Variants in CD6 observed in about 807,000 individuals in gnomAD.
CD6 encodes CD6 molecule.
A neutral mutation model predicts 75.3 loss-of-function variants in CD6; 53 were observed. The ratio of observed to expected loss-of-function variants is 0.70; its 90% CI spans 0.56 to 0.88. The LOEUF is 0.88. CD6 is among the 40% of genes least tolerant of loss of function. The probability of loss-of-function intolerance (pLI) is 0.00; values close to 1 mark genes in which losing one functional copy is unlikely to be tolerated. For missense variants in CD6, 770 were observed against 897.1 expected, an observed-to-expected ratio of 0.86 and a Z score of 1.81; for synonymous variants, 359 against 381.5, an observed-to-expected ratio of 0.94 and a Z score of 0.69.
intron 1 of CD6, among the ~76,000 whole-genome samples, chr11:60,991,472 C>T (rs1399166818): frequency 6.6e-6 from 1 of 151,988 alleles, no homozygotes. Context: ...TTTTTCTCTG[C>T]ACAATATCCA....
At chr11:61,012,280 G>A (rs2135187666) in intron 6 of CD6, among the ~76,000 whole-genome samples, 1 of 152,338 alleles carries the variant, frequency 6.6e-6, no homozygotes, top group African/African-American at 2.4e-5. Context: ...CATCCTGGAA[G>A]GGCAAAGAGT....
intron 8 of CD6, among the ~76,000 whole-genome samples, chr11:61,015,269 T>G (rs968496063): frequency 6.6e-6 from 1 of 152,174 alleles, no homozygotes; most frequent in Non-Finnish European, 1.5e-5. Flanking sequence ...CTGGGTGGCT[T>G]GTACAAGATG....
chr11:61,002,819 G>C (rs1430353440), intron 1 of CD6, among the ~76,000 whole-genome samples: 1 of 152,186 alleles, frequency 6.6e-6, no homozygotes, highest in Non-Finnish European at 1.5e-5. Flanking sequence ...CATGGCCAGA[G>C]AGTGCACGAG....
chr11:61,014,088 C>T (rs1859290921), intron 8 of CD6, 74 bp downstream of exon 8: 1 of 1,064,010 alleles, frequency 9.4e-7, no homozygotes, highest in Non-Finnish European at 1.4e-6. Flanking sequence ...AAGGTCAGCA[C>T]CACTTAGGTC....
Position 61,015,916 on chromosome 11 carries a change from C to T in CD6, c.1510+81C>T, listed in dbSNP as rs1859382910. 25 of 1,523,166 alleles carry T rather than the reference C, an allele frequency of 1.6e-5. No individual in the cohort carries two copies. In the South Asian group the frequency reaches 2.6e-4, roughly 16 times the overall value. The allele number at this position is 1,523,166 out of a possible 1,614,324, so 94.4% of individuals were successfully genotyped here. A position where few individuals can be genotyped will look rare whatever the true frequency, so the allele number is the denominator to read the frequency against. On this transcript the variant is annotated intron_variant, in intron 9 of 12. Coordinates refer to ENST00000313421, the MANE Select transcript of CD6 (RefSeq NM_006725.5). ...CCGAGGGGACCGTCAGGTCAGTAGTCCCACCTAGTAACCCCTGCATGATGC... is the reference window on the plus strand; with the variant it reads ...CCGAGGGGACCGTCAGGTCAGTAGTTCCACCTAGTAACCCCTGCATGATGC...
At chr11:60,973,414 C>A (rs1857262473) in intron 1 of CD6, among the ~76,000 whole-genome samples, 1 of 152,212 alleles carries the variant, frequency 6.6e-6, no homozygotes, top group South Asian at 2.1e-4. Context: ...CTGCTCCTTC[C>A]CAGTACTGTC....
At chr11:61,019,023 G>A (rs1250420572) in intron 12 of CD6, 13 of 442,924 alleles carry the variant, frequency 2.9e-5, no homozygotes, top group African/African-American at 1.8e-4. Context: ...ATCGTCCACC[G>A]TGTCGTGCAG....
chr11:61,008,143 G>A (rs916701625), intron 3 of CD6, among the ~76,000 whole-genome samples: 1 of 152,074 alleles, frequency 6.6e-6, no homozygotes, highest in Non-Finnish European at 1.5e-5. Context: ...TTGGTTCCTA[G>A]TCCCACCCCT....
chr11:60,978,419 C>A (rs1180413493), intron 1 of CD6, among the ~76,000 whole-genome samples: 2 of 152,108 alleles, frequency 1.3e-5, no homozygotes, highest in Non-Finnish European at 2.9e-5. Context: ...GAATCTAGGC[C>A]CCTGCAGCCT....
At chr11:60,978,912 G>T (rs1857463785) in intron 1 of CD6, among the ~76,000 whole-genome samples, 1 of 152,194 alleles carries the variant, frequency 6.6e-6, no homozygotes, top group African/African-American at 2.4e-5. Flanking sequence ...GCTCAGAAAT[G>T]TTAGCTTATA....
rs771398315 is a variant in CD6 at position 61,009,608 on chromosome 11, G to C, written c.818G>C (p.Arg273Pro). 6.2e-7 allele frequency: 1 copy of C among 1,612,120 alleles called. No homozygotes were observed. The highest frequency in any genetic ancestry group is 8.5e-7 in the Non-Finnish European group (1 of 1,179,294). Residue 273 changes from arginine to proline, a missense_variant, in exon 5 of 13, where the codon CGC becomes CCC. Coordinates refer to ENST00000313421, the MANE Select transcript of CD6 (RefSeq NM_006725.5). ...QSWRLTGGAD[R>P]CEGQVEVHFR... The stretch of plus-strand genomic sequence containing the variant: ...TGGCGCCTGACAGGGGGCGCTGACC[G>C]CTGCGAGGGGCAGGTGGAGGTACAC...
intron 1 of CD6, among the ~76,000 whole-genome samples, chr11:60,996,935 C>T: frequency 6.6e-6 from 1 of 152,204 alleles, no homozygotes; most frequent in Non-Finnish European, 1.5e-5. Context: ...CTCAGACTGG[C>T]AAAGTGACTG....
At chr11:60,976,382 A>G (rs1333581684) in intron 1 of CD6, among the ~76,000 whole-genome samples, 1 of 152,220 alleles carries the variant, frequency 6.6e-6, no homozygotes, top group Non-Finnish European at 1.5e-5. Flanking sequence ...AATTGAACCT[A>G]AGTCAATTAC....
At chr11:61,001,360 G>A (rs1321907408) in intron 1 of CD6, among the ~76,000 whole-genome samples, 1 of 151,852 alleles carries the variant, frequency 6.6e-6, no homozygotes, top group South Asian at 2.1e-4. Context: ...CTGCCACCAC[G>A]CCTGGCTAAC....
At chr11:61,008,087 A>C (rs1858957663) in intron 3 of CD6, among the ~76,000 whole-genome samples, 177 bp downstream of exon 3, 1 of 151,792 alleles carries the variant, frequency 6.6e-6, no homozygotes, top group Admixed American at 6.6e-5. Context: ...TCATTTCCAG[A>C]TCTGAGCGTT....
At chr11:60,972,034 C>A in intron 1 of CD6, 120 bp downstream of exon 1, 1 of 1,011,856 alleles carries the variant, frequency 9.9e-7, no homozygotes, top group Non-Finnish European at 1.5e-6. Context: ...GCCAAGACTA[C>A]ACTCAGGTAC....
At position 61,007,110 on chromosome 11, in the gene CD6, C is replaced by T. The variant is rs1051074985; in HGVS notation, c.119-450C>T. On this transcript the variant is annotated intron_variant, in intron 2 of 12. Transcript: ENST00000313421. This position sits in a 1 kb window ranked among gnomAD's most constrained non-coding sequence, Gnocchi z 4.2. ...TCATCAACCCCATGGCCAGCCGCTT[C>T]ACAATCCTCCAAGGTTCCCTAGTCA... Among the ~76,000 whole-genome samples the T allele has an allele frequency of 3.9e-5, 6 of 152,164 alleles. No homozygotes were observed. Among genetic ancestry groups the T allele is most frequent in the Non-Finnish European group, 7.4e-5 (5 of 68,018 alleles).
intron 1 of CD6, among the ~76,000 whole-genome samples, chr11:60,997,376 C>T (rs1417545756): frequency 7.5e-6 from 1 of 133,486 alleles, no homozygotes; most frequent in Non-Finnish European, 1.6e-5. Flanking sequence ...GAGACTCCGT[C>T]TCAAAAAAAA....
intron 1 of CD6, among the ~76,000 whole-genome samples, chr11:60,981,067 G>A (rs973798647): frequency 1.3e-5 from 2 of 152,098 alleles, no homozygotes; most frequent in Non-Finnish European, 2.9e-5. Context: ...TTCAATGAGC[G>A]CCAAGCACAG....
Sources: allele counts gnomAD v4.1 joint callset (sites outside exome capture counted in the v4.1 genomes callset), GRCh38; gene constraint gnomAD v4.1.1; non-coding constraint Gnocchi (gnomAD v3.1); transcripts MANE v1.5; gene names NCBI Gene and HGNC (gene_info 2026-07-23, HGNC 2026-07-21).